Variants in SCN11A observed in about 807,000 individuals in gnomAD.
SCN11A encodes the protein sodium voltage-gated channel alpha subunit 11.
In SCN11A, 122 loss-of-function variants were observed where a neutral mutation model predicts 162.2. The ratio of observed to expected loss-of-function variants is 0.75; its 90% CI spans 0.65 to 0.87. SCN11A has a LOEUF of 0.87. SCN11A is among the 40% of genes least tolerant of loss of function. The pLI, the probability that SCN11A is intolerant of heterozygous loss-of-function variation, is 0.00. For missense variants in SCN11A, 2,015 were observed against 2,181.6 expected, an observed-to-expected ratio of 0.92 and a Z score of 1.52; for synonymous variants, 758 against 751.5, an observed-to-expected ratio of 1.01 and a Z score of -0.14.
At chr3:38,876,679 CA>C (rs2065212207) in intron 23 of SCN11A, among the ~76,000 whole-genome samples, 1 of 151,708 alleles carries the variant, frequency 6.6e-6, no homozygotes, top group African/African-American at 2.4e-5. Context: ...ACTCCTGCAA[CA>C]ATGGCACTAA....
At chr3:39,045,208 C>T (rs575225791) in intron 1 of SCN11A, among the ~76,000 whole-genome samples, 60 of 152,194 alleles carry the variant, frequency 3.9e-4, no homozygotes, top group Non-Finnish European at 6.2e-4. Flanking sequence ...CTGAGTTGCA[C>T]CAGGCATTTA....
chr3:38,930,416 T>C (rs1443882937), intron 7 of SCN11A, among the ~76,000 whole-genome samples: 6 of 152,214 alleles, frequency 3.9e-5, no homozygotes, highest in Admixed American at 3.9e-4. Flanking sequence ...TGTGTGAATG[T>C]AGGGTTGCAG....
At chr3:38,904,168 A>G in intron 15 of SCN11A, 65 bp from the exon 16 acceptor site, 1 of 1,014,220 alleles carries the variant, frequency 9.9e-7, no homozygotes. Context: ...CCTTTGCCTG[A>G]GTGCATTCCT....
intron 2 of SCN11A, among the ~76,000 whole-genome samples, chr3:38,986,503 A>T (rs72855791): frequency 0.081 from 12,381 of 152,210 alleles, 724 homozygotes; most frequent in African/African-American, 0.16. Context: ...ACGGTGATGC[A>T]GTGAGGTGAC....
At position 38,927,062 on chromosome 3, in the gene SCN11A, A is replaced by C. The variant is rs76161793; in HGVS notation, c.489-131T>G. 6,332 of 851,472 alleles carry C rather than the reference A, an allele frequency of 7.4e-3. 292 individuals are homozygous for C. In the African/African-American group the frequency reaches 0.096, roughly 13 times the overall value. 52.7% of individuals were successfully genotyped at this position (851,472 alleles called of 1,614,324 possible). ...ACATTTAACATTCTGGTCTTCAGCA[A>C]ACCAGAGTTCAAAAATGCAAGCTTT... On this transcript the variant is annotated intron_variant, in intron 7 of 29. Coordinates refer to ENST00000302328, the MANE Select transcript of SCN11A (RefSeq NM_001349253.2).
intron 11 of SCN11A, among the ~76,000 whole-genome samples, chr3:38,910,789 A>G (rs962181118): frequency 6.6e-6 from 1 of 152,208 alleles, no homozygotes; most frequent in Non-Finnish European, 1.5e-5. Flanking sequence ...TCAGTAATTG[A>G]CAGTCCTTCA....
intron 28 of SCN11A, among the ~76,000 whole-genome samples, chr3:38,851,142 T>A (rs2064772519): frequency 6.6e-6 from 1 of 152,218 alleles, no homozygotes; most frequent in Non-Finnish European, 1.5e-5. Context: ...TCTGTATTCT[T>A]ACTTCAACAA....
At chr3:38,875,326 G>A (rs2065190888) in intron 23 of SCN11A, among the ~76,000 whole-genome samples, 1 of 151,992 alleles carries the variant, frequency 6.6e-6, no homozygotes, top group Non-Finnish European at 1.5e-5. Context: ...AAATTTGCAA[G>A]CTTTCCTTCT....
intron 11 of SCN11A, among the ~76,000 whole-genome samples, chr3:38,915,720 A>C (rs1461694936): frequency 6.6e-6 from 1 of 152,000 alleles, no homozygotes; most frequent in Admixed American, 6.6e-5. Context: ...TTTATGTTCC[A>C]TTATGTGGTC....
intron 16 of SCN11A, among the ~76,000 whole-genome samples, chr3:38,901,798 G>A (rs2065705299): frequency 6.6e-6 from 1 of 152,172 alleles, no homozygotes; most frequent in African/African-American, 2.4e-5. Flanking sequence ...GGAAACACAA[G>A]CTATGTGTAT....
chr3:39,039,721 C>T (rs961423297), intron 1 of SCN11A, among the ~76,000 whole-genome samples: 1 of 152,170 alleles, frequency 6.6e-6, no homozygotes, highest in African/African-American at 2.4e-5. Context: ...GCAACCCTAT[C>T]CCCTCCAGTG....
At chr3:38,960,672 A>T (rs2125583227) in intron 2 of SCN11A, among the ~76,000 whole-genome samples, 2 of 152,252 alleles carry the variant, frequency 1.3e-5, no homozygotes, top group Middle Eastern at 3.4e-3. Flanking sequence ...TCTGTGTGAA[A>T]AGCCAGGTTG....
chr3:39,048,602 T>C (rs1352981533), intron 1 of SCN11A, among the ~76,000 whole-genome samples: 1 of 152,206 alleles, frequency 6.6e-6, no homozygotes, highest in Non-Finnish European at 1.5e-5. Context: ...TGTACAATTA[T>C]TATGTGTCAA....
intron 2 of SCN11A, among the ~76,000 whole-genome samples, chr3:39,023,677 C>G (rs566615249): frequency 6.7e-6 from 1 of 150,256 alleles, no homozygotes. Flanking sequence ...GAGTCTTGCT[C>G]TGTCACCCAG....
intron 1 of SCN11A, among the ~76,000 whole-genome samples, chr3:39,044,904 C>T (rs574368912): frequency 2.6e-4 from 39 of 151,004 alleles, no homozygotes; most frequent in Non-Finnish European, 1.9e-4. Context: ...ATCCACAAAC[C>T]ACTAGCTAGA....
chr3:38,870,841 TATATAAGATG>T, intron 25 of SCN11A, 97 bp from the exon 26 acceptor site: 1 of 980,838 alleles, frequency 1.0e-6, no homozygotes, highest in Non-Finnish European at 1.6e-6. Flanking sequence ...GTGGGCTGAA[TATATAAGATG>T]ATACCCCAAC....
chr3:39,033,498 T>C (rs2031820338), intron 1 of SCN11A, among the ~76,000 whole-genome samples: 2 of 152,196 alleles, frequency 1.3e-5, no homozygotes. Flanking sequence ...TATTACTATT[T>C]TACAGATTAG....
chr3:38,973,874 A>C (rs1254357369), intron 2 of SCN11A, among the ~76,000 whole-genome samples: 2 of 152,256 alleles, frequency 1.3e-5, no homozygotes, highest in Non-Finnish European at 2.9e-5. Flanking sequence ...CTCCACCTAC[A>C]GTGTAAGGTG....
At chr3:38,869,998 C>T (rs1387154061) in intron 26 of SCN11A, among the ~76,000 whole-genome samples, 4 of 152,124 alleles carry the variant, frequency 2.6e-5, no homozygotes, top group East Asian at 3.9e-4. Flanking sequence ...CCAAATAGGT[C>T]GAAACACACA....
Sources: gnomAD v4.1 joint callset for allele counts (sites outside exome capture counted in the v4.1 genomes callset) on GRCh38, gnomAD v4.1.1 for gene constraint, MANE v1.5 for transcripts, NCBI Gene and HGNC (gene_info 2026-07-23, HGNC 2026-07-21) for gene names.